The following THBS4 variants were observed in gnomAD, a reference collection of about 807,000 sequenced individuals.
THBS4 encodes the protein thrombospondin 4.
In THBS4, 90 loss-of-function variants were observed where a neutral mutation model predicts 115.7. The ratio of observed to expected loss-of-function variants is 0.78; its 90% confidence interval spans 0.66 to 0.93. The LOEUF (loss-of-function observed/expected upper bound fraction) is 0.93, where lower values mean the gene tolerates loss of function less well. Ranked by LOEUF, THBS4 falls within the 40% of genes least tolerant of loss-of-function variation. The probability of loss-of-function intolerance (pLI) is 0.00; values close to 1 mark genes in which losing one functional copy is unlikely to be tolerated. For synonymous variants in THBS4, 460 were observed against 479.3 expected, an observed-to-expected ratio of 0.96 and a Z score of 0.53; for missense variants, 1,087 against 1,232.7, an observed-to-expected ratio of 0.88 and a Z score of 1.77.
In THBS4 at chr5:80,035,657, C is replaced by G; in HGVS notation, c.88+32C>G. 7.7e-7 allele frequency: 1 copy of G among 1,298,958 alleles called. No homozygotes were observed. Among genetic ancestry groups the G allele is most frequent in the Non-Finnish European group, 9.8e-7 (1 of 1,018,942 alleles). 80.5% of individuals were successfully genotyped at this position (1,298,958 alleles called of 1,614,324 possible). A position where few individuals can be genotyped will look rare whatever the true frequency, so the allele number is the denominator to read the frequency against. ...GGGTTCGGGTCGGGCCTGGGAGCGC[C>G]GGGCACCGGGTGCCCCATCTGCTGA... On this transcript the variant is annotated intron_variant, in intron 1 of 21. Coordinates refer to ENST00000350881, the MANE Select transcript of THBS4 (RefSeq NM_003248.6). This position sits in a 1 kb window ranked among gnomAD's most constrained non-coding sequence, Gnocchi z 4.6.
At chr5:80,041,957 T>A (rs1353148849) in intron 2 of THBS4, among the ~76,000 whole-genome samples, 2 of 152,232 alleles carry the variant, frequency 1.3e-5, no homozygotes, top group African/African-American at 4.8e-5. Context: ...TTCTAATTCT[T>A]AACTTTCATA....
chr5:80,040,337 T>C, intron 2 of THBS4, 57 bp downstream of exon 2: 1 of 1,387,332 alleles, frequency 7.2e-7, no homozygotes, highest in Non-Finnish European at 1.0e-6. Context: ...ATTCCAGGAT[T>C]AGGGGTATAC....
At chr5:80,054,556 T>C (rs541223116) in intron 2 of THBS4, among the ~76,000 whole-genome samples, 1 of 152,212 alleles carries the variant, frequency 6.6e-6, no homozygotes, top group East Asian at 1.9e-4. Context: ...CCTGACCTCA[T>C]GATCTGCCCA....
At position 80,055,954 on chromosome 5, in the gene THBS4, C is replaced by G. The variant is rs1007461248; in HGVS notation, c.462C>G (p.His154Gln). Residue 154 changes from histidine (H) to glutamine (Q), a missense_variant, in exon 3 of 22, where the codon CAC (histidine) becomes CAG (glutamine). By Grantham distance (24) the His-to-Gln change is conservative (BLOSUM62 0). Around this residue, in one of 3 missense-constraint regions of THBS4, gnomAD observed 979 missense variants for 1,103.7 expected, o/e 0.89. Coordinates refer to ENST00000350881, the MANE Select transcript of THBS4 (RefSeq NM_003248.6). ...YLDCIQVDSV[H>Q]NLPRAFAGPS... is the part of the protein sequence containing the mutation. ...ACTGCATCCAGGTGGATTCCGTTCA[C>G]AATCTCCCCAGGGCCTTTGCTGGCC... 6.2e-7 allele frequency: 1 copy of G among 1,614,086 alleles called. No homozygotes were observed. Among genetic ancestry groups the G allele is most frequent in the Non-Finnish European group, 8.5e-7 (1 of 1,180,048 alleles).
At position 80,024,958 on chromosome 5, in the gene THBS4, G is replaced by T. The variant is rs73770689; in HGVS notation, n.178-15119G>T. 6.6e-3 allele frequency among the ~76,000 whole-genome samples: 1,002 copies of T among 152,238 alleles called. 11 individuals carry two copies. Among genetic ancestry groups the T allele is most frequent in the African/African-American group, 0.023 (972 of 41,530 alleles). ...CACTTTCTGGCATTTCCTTGGGAAG[G>T]TTGTTCAATCTCCCTGACCTTCAGT... On this transcript the variant is annotated intron_variant and non_coding_transcript_variant, in intron 2 of 3. Transcript: ENST00000510218.
At chr5:80,077,977 C>T in intron 16 of THBS4, 72 bp from the exon 17 acceptor site, 1 of 1,346,112 alleles carries the variant, frequency 7.4e-7, no homozygotes, top group Non-Finnish European at 1.0e-6. Flanking sequence ...CTCATGCAGC[C>T]CCCTTCCCTG....
Position 80,050,787 on chromosome 5 carries a change from G to A in THBS4, c.293-4998G>A, listed in dbSNP as rs1833230854. On this transcript the variant is annotated intron_variant, in intron 2 of 21. Coordinates refer to ENST00000350881, the MANE Select transcript of THBS4 (RefSeq NM_003248.6). ...CCCAAAGTTAGTTCGGCCTGTGCCCGGGAATGAACAAGGAAAGCTTAAGTG... is the reference window on the plus strand; with the variant it reads ...CCCAAAGTTAGTTCGGCCTGTGCCCAGGAATGAACAAGGAAAGCTTAAGTG... Among the ~76,000 whole-genome samples the A allele has an allele frequency of 2.0e-5, 3 of 152,316 alleles. No homozygotes were observed. The South Asian group carries it at 6.2e-4, about 32-fold the overall frequency.
chr5:80,015,216 C>G (rs1832223289), intron 2 of THBS4, among the ~76,000 whole-genome samples: 1 of 152,160 alleles, frequency 6.6e-6, no homozygotes, highest in Non-Finnish European at 1.5e-5. Flanking sequence ...AAATAAATAT[C>G]CAGTTAGGGG....
Position 80,082,473 on chromosome 5 carries a change from G to T in THBS4, c.2752G>T (p.Gly918Ter). Residue 918 changes from glycine (G) to a stop codon, truncating the protein, a stop_gained, in exon 21 of 22, where the codon GGA (glycine) becomes TGA (stop). Transcript: ENST00000350881. LOFTEE classifies it high-confidence loss of function. ...CGTCACCATAGACACCACAATGCGT[G>T]GAGGCCGACTTGGCGTTTTCTGCTT... ...SGVTIDTTMR[G>*]GRLGVFCFSQ... The T allele has an allele frequency of 6.2e-7, 1 of 1,614,196 alleles. No homozygotes were observed. The highest frequency in any genetic ancestry group is 1.1e-5 in the South Asian group (1 of 91,080).
chr5:80,082,387 C>CG lies in THBS4; in HGVS notation c.2685-19_2685-18insG, dbSNP rs765112346. On this transcript the variant is annotated intron_variant, in intron 20 of 21. Transcript: ENST00000350881. ...CGGGTTGGATTTCATGGAGGCCCCTCCGGCCGTGTTGTCCGCAGGGTACGA... is the reference window on the plus strand; with the variant it reads ...CGGGTTGGATTTCATGGAGGCCCCTCGCGGCCGTGTTGTCCGCAGGGTACGA... 7.4e-5 allele frequency: 119 copies of CG among 1,612,288 alleles called. No homozygotes were observed. In the African/African-American group the frequency reaches 1.3e-3, roughly 18 times the overall value.
rs1580929449 is a variant in THBS4 at position 80,035,554 on chromosome 5, G to A, written c.17G>A (p.Gly6Glu). 2 of 1,416,850 alleles carry A rather than the reference G, an allele frequency of 1.4e-6. No homozygotes were observed. The highest frequency in any genetic ancestry group is 1.8e-6 in the Non-Finnish European group (2 of 1,085,164). 87.8% of individuals were successfully genotyped at this position (1,416,850 alleles called of 1,614,324 possible). MLAPR[G>E]AAVLLLHLVL... Reference sequence around the variant, plus strand: ...AGAGCCAACATGCTGGCCCCGCGCGGAGCCGCCGTCCTCCTGCTGCACCTG... The same window carrying A: ...AGAGCCAACATGCTGGCCCCGCGCGAAGCCGCCGTCCTCCTGCTGCACCTG... The change falls in exon 1 of 22, where the codon GGA (glycine) becomes GAA (glutamate). Residue 6 changes from glycine to glutamate, a missense_variant. Physicochemically the swap from Gly to Glu is moderately conservative, Grantham distance 98 (BLOSUM62 -2). This residue lies in a region of THBS4 where 979 missense variants were observed against 1,103.7 expected (regional missense o/e 0.89). Transcript: ENST00000350881. This position sits in a 1 kb window ranked among gnomAD's most constrained non-coding sequence, Gnocchi z 4.6.
chr5:80,053,102 A>G lies in THBS4; in HGVS notation c.293-2683A>G, dbSNP rs527543456. Reference sequence around the variant, plus strand: ...AAACACCCAGCAAATAACCATACTAATGTAGACATATTTTCTTCTAATCTT... The same window carrying G: ...AAACACCCAGCAAATAACCATACTAGTGTAGACATATTTTCTTCTAATCTT... On this transcript the variant is annotated intron_variant, in intron 2 of 21. Transcript: ENST00000350881. 2.0e-5 allele frequency: 3 copies of G among 152,282 alleles called. No homozygotes were observed. In the South Asian group the frequency reaches 6.2e-4, roughly 32 times the overall value. 9.4% of individuals were successfully genotyped at this position (152,282 alleles called of 1,614,324 possible).
intron 2 of THBS4, among the ~76,000 whole-genome samples, chr5:80,016,824 G>T (rs763491760): frequency 2.6e-5 from 4 of 152,144 alleles, no homozygotes; most frequent in Non-Finnish European, 4.4e-5. Context: ...TTGATGAACT[G>T]ATTCAAAACG....
intron 19 of THBS4, among the ~76,000 whole-genome samples, chr5:80,079,512 C>T (rs1205122853): frequency 6.6e-6 from 1 of 152,196 alleles, no homozygotes; most frequent in Non-Finnish European, 1.5e-5. Context: ...CATCTTCAGG[C>T]ACACTGTGTT....
At chr5:80,080,587 T>TTTTTTTTTTTTTTTTTTC (rs1372648369) in intron 20 of THBS4, among the ~76,000 whole-genome samples, 1 of 131,232 alleles carries the variant, frequency 7.6e-6, no homozygotes, top group East Asian at 2.3e-4. Context: ...ATCTTTTTTT[T>TTTTTTTTTTTTTTTTTTC]TTTTTTTTTT....
upstream of THBS4, chr5:80,033,093 G>A (rs1832616434): frequency 9.3e-6 from 2 of 213,984 alleles, no homozygotes; most frequent in African/African-American, 2.3e-5. Flanking sequence ...GACACACATG[G>A]CAGAATTCAG....
chr5:80,028,418 C>T (rs758077045), intron 2 of THBS4, among the ~76,000 whole-genome samples: 8 of 151,810 alleles, frequency 5.3e-5, no homozygotes, highest in Admixed American at 2.6e-4. Context: ...TCAAAATAGT[C>T]GATACTATAC....
At chr5:80,023,847 G>A (rs888433658) in intron 2 of THBS4, among the ~76,000 whole-genome samples, 2 of 152,044 alleles carry the variant, frequency 1.3e-5, no homozygotes, top group Admixed American at 6.6e-5. Flanking sequence ...AAACCAAGGA[G>A]CCAGGCTCTT....
chr5:80,066,094 C>CA (rs34135437), intron 9 of THBS4, among the ~76,000 whole-genome samples: 2,271 of 80,214 alleles, frequency 0.028, 35 homozygotes, highest in Middle Eastern at 0.051. Flanking sequence ...GACTCCCTCT[C>CA]AAAAAAAAAA....
Sources: allele counts gnomAD v4.1 joint callset (sites outside exome capture counted in the v4.1 genomes callset), GRCh38; gene constraint gnomAD v4.1.1; regional missense constraint gnomAD v4.1.1; non-coding constraint Gnocchi (gnomAD v3.1); transcripts MANE v1.5; gene names NCBI Gene and HGNC (gene_info 2026-07-23, HGNC 2026-07-21).